The following DNAAF4 variants were observed in gnomAD, a reference collection of about 807,000 sequenced individuals.
DNAAF4 encodes dynein axonemal assembly factor 4.
Under a neutral mutation model 51.8 loss-of-function variants are expected in DNAAF4, and 43 were observed. The ratio of observed to expected loss-of-function variants is 0.83; its 90% CI spans 0.65 to 1.07. The LOEUF (loss-of-function observed/expected upper bound fraction) is 1.07, where lower values mean the gene tolerates loss of function less well. Among genes scored for constraint, DNAAF4 ranks in the 50% least tolerant of loss-of-function variants. The pLI is 0.00. For synonymous variants in DNAAF4, 194 were observed against 165.6 expected (o/e 1.17, Z -1.32); for missense variants, 581 against 493.0 (o/e 1.18, Z -1.69).
intron 4 of DNAAF4, among the ~76,000 whole-genome samples, chr15:55,482,075 T>C (rs945027692): frequency 6.6e-6 from 1 of 152,112 alleles, no homozygotes; most frequent in African/African-American, 2.4e-5. Context: ...CTCTGTGGAG[T>C]GTACTTTTGC....
rs2058733441 is a variant in DNAAF4 at position 55,507,595 on chromosome 15, C to G, written c.-256+527G>C. On this transcript the variant is annotated intron_variant, in intron 1 of 9. Transcript: ENST00000321149. ...CAGGGGTCGTCTGTAAAGATAGGCACTAGAAAGGAGAGTGGTTAACTCTTA... is the reference window on the plus strand; with the variant it reads ...CAGGGGTCGTCTGTAAAGATAGGCAGTAGAAAGGAGAGTGGTTAACTCTTA... 2.0e-5 allele frequency among the ~76,000 whole-genome samples: 3 copies of G among 152,216 alleles called. No homozygotes were observed. In the South Asian group the frequency reaches 6.2e-4, roughly 32 times the overall value.
chr15:55,448,429 G>A (rs1712081310), intron 6 of DNAAF4, among the ~76,000 whole-genome samples: 1 of 141,050 alleles, frequency 7.1e-6, no homozygotes, highest in African/African-American at 2.6e-5. Flanking sequence ...GAGCCCAAGA[G>A]TTCAAGGCTA....
rs2057717968 is a variant in DNAAF4 at position 55,441,741 on chromosome 15, A to T, written c.784-2160T>A. Among the ~76,000 whole-genome samples the T allele has an allele frequency of 2.6e-5, 4 of 152,084 alleles. No individual in the cohort carries two copies. In the South Asian group the frequency reaches 8.3e-4, roughly 32 times the overall value. ...ATCCATGTCCCTACAAAGGACATGA[A>T]CTCATCCTTTTTTATGGCTGCATAG... On this transcript the variant is annotated intron_variant, in intron 6 of 9. Transcript: ENST00000321149.
intron 4 of DNAAF4, among the ~76,000 whole-genome samples, chr15:55,481,322 C>T (rs2058407849): frequency 6.6e-6 from 1 of 152,142 alleles, no homozygotes; most frequent in African/African-American, 2.4e-5. Context: ...GACCAGGCCT[C>T]TAAAATATGA....
At chr15:55,504,531 G>T (rs1010706854) in intron 1 of DNAAF4, among the ~76,000 whole-genome samples, 1 of 152,096 alleles carries the variant, frequency 6.6e-6, no homozygotes. Flanking sequence ...ATACTACAAG[G>T]CTACAGTAAC....
chr15:55,443,790 A>G (rs1463172713), intron 6 of DNAAF4, among the ~76,000 whole-genome samples: 1 of 152,198 alleles, frequency 6.6e-6, no homozygotes, highest in African/African-American at 2.4e-5. Context: ...CATTTCTCTG[A>G]TGGCCAGTGA....
At chr15:55,497,951 A>G in intron 2 of DNAAF4, 92 bp from the exon 3 acceptor site, 2 of 1,493,762 alleles carry the variant, frequency 1.3e-6, no homozygotes, top group Non-Finnish European at 1.8e-6. Context: ...ATAACTTTCT[A>G]AAAGGCCCAC....
chr15:55,418,634 G>A, intron 7 of DNAAF4: 2 of 1,087,944 alleles, frequency 1.8e-6, no homozygotes, highest in Non-Finnish European at 1.3e-6. Flanking sequence ...TAAATCTAAG[G>A]GTAGAATACC....
rs558891648 is a variant in DNAAF4, at chr15:55,469,021, T to C, written c.406-1860A>G. Among the ~76,000 whole-genome samples the C allele has an allele frequency of 3.3e-5, 5 of 152,176 alleles. No individual in the cohort carries two copies. In the South Asian group the frequency reaches 6.2e-4, roughly 19 times the overall value. On this transcript the variant is annotated intron_variant, in intron 4 of 9. Transcript: ENST00000321149. ...TATGATAAAGAGAAAAGAGACTACA[T>C]GTACCAAAGAAAAACAGAGTGTACA...
intron 1 of DNAAF4, among the ~76,000 whole-genome samples, chr15:55,505,732 C>T (rs534591016): frequency 5.4e-5 from 8 of 149,300 alleles, no homozygotes; most frequent in Non-Finnish European, 1.2e-4. Flanking sequence ...CACATGGACA[C>T]AGGGAGGGGA....
Position 55,470,749 on chromosome 15 carries a change from T to C in DNAAF4, c.406-3588A>G, listed in dbSNP as rs118045443. On this transcript the variant is annotated intron_variant, in intron 4 of 9. Coordinates refer to ENST00000321149, the MANE Select transcript of DNAAF4 (RefSeq NM_130810.4). ...TTGTAAAGATGGGGTTTTCCCTTGC[T>C]GCCCAGGCTGGTCTTGAACTCCTGG... 1.8e-4 allele frequency among the ~76,000 whole-genome samples: 27 copies of C among 151,926 alleles called. No individual in the cohort carries two copies. The East Asian group carries it at 5.0e-3, about 28-fold the overall frequency.
At chr15:55,478,165 C>A (rs775936735) in intron 4 of DNAAF4, among the ~76,000 whole-genome samples, 1 of 152,172 alleles carries the variant, frequency 6.6e-6, no homozygotes, top group African/African-American at 2.4e-5. Flanking sequence ...CTTTTTGATT[C>A]AGGGGCAAGT....
intron 4 of DNAAF4, among the ~76,000 whole-genome samples, chr15:55,479,377 G>C (rs543529179): frequency 6.6e-6 from 1 of 152,108 alleles, no homozygotes; most frequent in East Asian, 1.9e-4. Flanking sequence ...ATTTATGCCT[G>C]TCTTTACTTT....
At chr15:55,464,791 A>G (rs2058144429) in intron 5 of DNAAF4, among the ~76,000 whole-genome samples, 3 of 152,168 alleles carry the variant, frequency 2.0e-5, no homozygotes, top group Non-Finnish European at 4.4e-5. Flanking sequence ...AACATGGAGA[A>G]ACCCCATCTC....
chr15:55,430,712 C>T lies in DNAAF4; in HGVS notation c.1221G>A (p.Glu407=), dbSNP rs2057478537. The part of the protein sequence containing the change: ...PSNKIVQIDA[E]KIRNVIQGTE... Reference sequence around the variant, plus strand: ...TTCCTTGAATTACATTCCGAATCTTCTCAGCATCAATTTGTACAATTTTGT... The same window carrying T: ...TTCCTTGAATTACATTCCGAATCTTTTCAGCATCAATTTGTACAATTTTGT... The change falls in exon 10 of 10, where the codon GAG becomes GAA. Residue 407 remains glutamate (E), a synonymous_variant. Coordinates refer to ENST00000321149, the MANE Select transcript of DNAAF4 (RefSeq NM_130810.4). 2 of 1,613,270 alleles carry T rather than the reference C, an allele frequency of 1.2e-6. No individual in the cohort carries two copies. Among genetic ancestry groups the T allele is most frequent in the Non-Finnish European group, 8.5e-7 (1 of 1,179,644 alleles).
chr15:55,469,188 C>T (rs2058212782), intron 4 of DNAAF4, among the ~76,000 whole-genome samples: 3 of 151,668 alleles, frequency 2.0e-5, no homozygotes, highest in South Asian at 2.1e-4. Context: ...AAAATTTAGC[C>T]GGGCTTGGTG....
chr15:55,494,575 C>G (rs775092383), intron 3 of DNAAF4, among the ~76,000 whole-genome samples: 1 of 151,732 alleles, frequency 6.6e-6, no homozygotes, highest in African/African-American at 2.4e-5. Flanking sequence ...CCACGCCTGA[C>G]GAAGTTTTGT....
At chr15:55,497,593 C>G (rs1446659467) in intron 3 of DNAAF4, 119 bp downstream of exon 3, 2 of 1,222,046 alleles carry the variant, frequency 1.6e-6, no homozygotes, top group Non-Finnish European at 2.2e-6. Context: ...GAGCAAGACT[C>G]TTAAAAAAAA....
chr15:55,507,092 C>A (rs138189510), intron 1 of DNAAF4, among the ~76,000 whole-genome samples: 1 of 152,178 alleles, frequency 6.6e-6, no homozygotes, highest in African/African-American at 2.4e-5. Flanking sequence ...CTCAGGTGAT[C>A]CGTTCACTTC....
Sources: allele counts gnomAD v4.1 joint callset (sites outside exome capture counted in the v4.1 genomes callset), GRCh38; gene constraint gnomAD v4.1.1; transcripts MANE v1.5; gene names NCBI Gene and HGNC (gene_info 2026-07-23, HGNC 2026-07-21).